Variants in FMO2 observed in about 807,000 individuals in gnomAD.
The protein encoded by FMO2 is flavin-containing monooxygenase 2.
Under a neutral mutation model 41.6 loss-of-function variants are expected in FMO2, and 33 were observed. That is an observed-to-expected ratio of 0.79 (90% CI 0.60 to 1.06). The LOEUF (loss-of-function observed/expected upper bound fraction) is 1.06, where lower values mean the gene tolerates loss of function less well. Ranked by LOEUF, FMO2 falls within the 50% of genes least tolerant of loss-of-function variation. FMO2 has a pLI of 0.00. For synonymous variants in FMO2, 214 were observed against 219.6 expected (o/e 0.97, Z 0.23); for missense variants, 619 against 632.9 (o/e 0.98, Z 0.23).
chr1:171,187,675 A>G (rs1657909863), intron 2 of FMO2, among the ~76,000 whole-genome samples: 2 of 149,910 alleles, frequency 1.3e-5, no homozygotes, highest in African/African-American at 4.9e-5. Flanking sequence ...TGGGCACTCC[A>G]TCCCAAATCT....
At chr1:171,193,245 G>GC in intron 2 of FMO2, 90 bp from the exon 3 acceptor site, 1 of 763,554 alleles carries the variant, frequency 1.3e-6, no homozygotes, top group Non-Finnish European at 2.2e-6. Context: ...AAAGACAATC[G>GC]CATTACCCAG....
At position 171,205,634 on chromosome 1, in the gene FMO2, G is replaced by A. The variant is rs1432843889; in HGVS notation, c.1183G>A (p.Gly395Ser). The A allele has an allele frequency of 6.3e-7, 1 of 1,597,210 alleles. No individual in the cohort carries two copies. The highest frequency in any genetic ancestry group is 8.5e-7 in the Non-Finnish European group (1 of 1,170,670). Residue 395 changes from glycine to serine, a missense_variant and splice_region_variant, in exon 7 of 9, where the codon GGC becomes AGC. By Grantham distance (56) the Gly-to-Ser change is moderately conservative. Coordinates refer to ENST00000209929, the MANE Select transcript of FMO2 (RefSeq NM_001460.5). ...QARWVTRVFK[G>S]LCSLPSERTM... ...TCGTTGGGTGACAAGAGTTTTCAAA[G>A]GTAAGTGTGTAGGCAGGTGAGTGGC...
Position 171,209,248 on chromosome 1 carries a change from A to AT in FMO2, c.*107dup. On this transcript the variant is annotated 3_prime_UTR_variant, in exon 9 of 9. Coordinates refer to ENST00000209929, the MANE Select transcript of FMO2 (RefSeq NM_001460.5). Reference sequence around the variant, plus strand: ...CATTACATTCATGTTCTAATTATAGATTTTAGAGTTAGGTAGTACAGGTAA... The same window carrying AT: ...CATTACATTCATGTTCTAATTATAGATTTTTAGAGTTAGGTAGTACAGGTAA... 1 of 410,730 alleles carries AT rather than the reference A, an allele frequency of 2.4e-6. No individual in the cohort carries two copies. Among genetic ancestry groups the AT allele is most frequent in the Non-Finnish European group, 4.3e-6 (1 of 233,856 alleles). The allele number at this position is 410,730 out of a possible 1,614,324, so 25.4% of individuals were successfully genotyped here.
intron 8 of FMO2, among the ~76,000 whole-genome samples, chr1:171,208,287 G>A (rs1424560973): frequency 6.6e-6 from 1 of 152,082 alleles, no homozygotes; most frequent in African/African-American, 2.4e-5. Context: ...GAGTACCCTT[G>A]GAAAGTTGAT....
At chr1:171,185,593 T>C in intron 1 of FMO2, 115 bp from the exon 2 acceptor site, 3 of 998,566 alleles carry the variant, frequency 3.0e-6, no homozygotes, top group Non-Finnish European at 3.0e-6. Context: ...TCAATAGTGC[T>C]GCTTATTAAA....
chr1:171,204,122 G>T (rs1658657329), intron 6 of FMO2, 58 bp downstream of exon 6: 12 of 1,264,548 alleles, frequency 9.5e-6, no homozygotes, highest in East Asian at 2.3e-5. Context: ...TTGTCTGAAG[G>T]TGTCTCCCTT....
At chr1:171,197,928 A>G (rs1454073946) in intron 4 of FMO2, among the ~76,000 whole-genome samples, 1 of 152,184 alleles carries the variant, frequency 6.6e-6, no homozygotes, top group Non-Finnish European at 1.5e-5. Flanking sequence ...AGCCTCCACA[A>G]TTGTGTGCCA....
chr1:171,189,522 A>G (rs1657987531), intron 2 of FMO2, among the ~76,000 whole-genome samples: 1 of 152,228 alleles, frequency 6.6e-6, no homozygotes, highest in Non-Finnish European at 1.5e-5. Flanking sequence ...CCAGTGATCA[A>G]GGGAGACACC....
At chr1:171,207,867 C>G in intron 8 of FMO2, 77 bp downstream of exon 8, 3 of 930,948 alleles carry the variant, frequency 3.2e-6, no homozygotes, top group Non-Finnish European at 3.4e-6. Flanking sequence ...CAAGAACCAC[C>G]TAGCTGCCTG....
At chr1:171,197,001 A>C (rs981041010) in intron 4 of FMO2, among the ~76,000 whole-genome samples, 190 bp downstream of exon 4, 1 of 152,200 alleles carries the variant, frequency 6.6e-6, no homozygotes, top group Non-Finnish European at 1.5e-5. Context: ...TCTTCATCAC[A>C]CATAGATCTC....
intron 4 of FMO2, 120 bp from the exon 5 acceptor site, chr1:171,199,226 G>C: frequency 2.0e-6 from 2 of 993,528 alleles, no homozygotes; most frequent in South Asian, 1.8e-5. Flanking sequence ...TACTCCTATA[G>C]AGAAGAGGCA....
intron 2 of FMO2, among the ~76,000 whole-genome samples, chr1:171,188,140 T>A (rs1657933489): frequency 6.8e-6 from 1 of 146,082 alleles, no homozygotes; most frequent in African/African-American, 2.5e-5. Context: ...CTCCACAACC[T>A]CCCTCCCCCA....
At chr1:171,193,012 T>G (rs146329779) in intron 2 of FMO2, among the ~76,000 whole-genome samples, 155 of 152,296 alleles carry the variant, frequency 1.0e-3, no homozygotes, top group Admixed American at 2.3e-3. Flanking sequence ...GTAAGCTGGT[T>G]GTCACAAAGA....
chr1:171,208,545 A>G (rs138885145), intron 8 of FMO2, among the ~76,000 whole-genome samples: 14 of 152,320 alleles, frequency 9.2e-5, no homozygotes, highest in African/African-American at 3.1e-4. Context: ...AAAAATGCCA[A>G]ACAATGGTTA....
chr1:171,192,849 A>T (rs1295097746), intron 2 of FMO2, among the ~76,000 whole-genome samples: 1 of 151,954 alleles, frequency 6.6e-6, no homozygotes, highest in African/African-American at 2.4e-5. Context: ...GTGTAAAAGG[A>T]TTCAAATCAA....
chr1:171,202,589 A>G (rs1190381416), intron 5 of FMO2, among the ~76,000 whole-genome samples: 1 of 152,178 alleles, frequency 6.6e-6, no homozygotes, highest in Non-Finnish European at 1.5e-5. Flanking sequence ...ACCTCATTTA[A>G]TCTACACAAG....
At position 171,209,416 on chromosome 1, in the gene FMO2, T is replaced by C. The variant is rs891663098; in HGVS notation, c.*271T>C. On this transcript the variant is annotated 3_prime_UTR_variant, in exon 9 of 9. Coordinates refer to ENST00000209929, the MANE Select transcript of FMO2 (RefSeq NM_001460.5). ...AAATAAGACTGGCTCAGGTAAGTAGTGCTGCCAACCCTGATATAGGGGAGT... is the reference window on the plus strand; with the variant it reads ...AAATAAGACTGGCTCAGGTAAGTAGCGCTGCCAACCCTGATATAGGGGAGT... 15 of 299,158 alleles carry C rather than the reference T, an allele frequency of 5.0e-5. No individual in the cohort carries two copies. The highest frequency in any genetic ancestry group is 8.5e-5 in the Non-Finnish European group (14 of 165,110). The allele number at this position is 299,158 out of a possible 1,614,324, so 18.5% of individuals were successfully genotyped here.
At chr1:171,189,761 C>A (rs1222597080) in intron 2 of FMO2, among the ~76,000 whole-genome samples, 1 of 147,758 alleles carries the variant, frequency 6.8e-6, no homozygotes, top group Non-Finnish European at 1.5e-5. Flanking sequence ...CGGGTTCAAG[C>A]GATTTAGCTG....
At chr1:171,189,316 A>T (rs1171996475) in intron 2 of FMO2, among the ~76,000 whole-genome samples, 1 of 152,206 alleles carries the variant, frequency 6.6e-6, no homozygotes, top group Non-Finnish European at 1.5e-5. Context: ...CTCTCTAGAC[A>T]TATCTCAATC....
Sources: gnomAD v4.1 joint callset for allele counts (sites outside exome capture counted in the v4.1 genomes callset) on GRCh38, gnomAD v4.1.1 for gene constraint, MANE v1.5 for transcripts, NCBI Gene and HGNC (gene_info 2026-07-23, HGNC 2026-07-21) for gene names.